Variants in ABHD16A observed in about 807,000 individuals in gnomAD.
ABHD16A encodes abhydrolase domain containing 16A, phospholipase, also known as phosphatidylserine lipase ABHD16A.
Under a neutral mutation model 89.8 loss-of-function variants are expected in ABHD16A, and 47 were observed. That is an observed-to-expected ratio of 0.52 (90% CI 0.41 to 0.67). The LOEUF (loss-of-function observed/expected upper bound fraction) is 0.67. ABHD16A is among the 30% of genes least tolerant of loss of function. The pLI, the probability that ABHD16A is intolerant of heterozygous loss-of-function variation, is 0.00. For missense variants in ABHD16A, 580 were observed against 734.6 expected, an observed-to-expected ratio of 0.79 and a Z score of 2.43; for synonymous variants, 251 against 280.4, an observed-to-expected ratio of 0.90 and a Z score of 1.05.
At position 31,703,271 on chromosome 6, in the gene ABHD16A, A is replaced by C; in HGVS notation, c.11T>G (p.Leu4Arg). ...CCGGGGGCCTAGGACGCAGCTCAGC[A>C]GCTTCGCCATGGCCCCGGCTCGGGC... Reference protein sequence around the residue: MAKLLSCVLGPRLY... With the variant: MAKRLSCVLGPRLY... Residue 4 changes from leucine (L) to arginine (R), a missense_variant, in exon 1 of 20, where the codon CTG (leucine) becomes CGG (arginine). Leu to Arg is a moderately radical substitution (Grantham distance 102). Transcript: ENST00000395952. 7.4e-7 allele frequency: 1 copy of C among 1,358,976 alleles called. No individual in the cohort carries two copies. 84.2% of individuals were successfully genotyped at this position (1,358,976 alleles called of 1,614,324 possible). A position where few individuals can be genotyped will look rare whatever the true frequency, so the allele number is the denominator to read the frequency against.
At chr6:31,701,985 C>A in intron 2 of ABHD16A, 89 bp downstream of exon 2, 1 of 1,462,456 alleles carries the variant, frequency 6.8e-7, no homozygotes, top group Non-Finnish European at 9.6e-7. Flanking sequence ...AACCCCAGGG[C>A]ACTGTTGCTC....
chr6:31,689,557 G>A (rs1803651312), intron 12 of ABHD16A, 24 bp downstream of exon 12: 2 of 1,564,382 alleles, frequency 1.3e-6, no homozygotes, highest in Non-Finnish European at 1.7e-6. Flanking sequence ...TGTCTACAGT[G>A]GGGGATGGGA....
At position 31,702,518 on chromosome 6, in the gene ABHD16A, A is replaced by C. The variant is rs149065764; in HGVS notation, c.133-388T>G. On this transcript the variant is annotated intron_variant, in intron 1 of 19. Coordinates refer to ENST00000395952, the MANE Select transcript of ABHD16A (RefSeq NM_021160.3). ...CATCAGAAATAAGAGTAGTTGACTA[A>C]GAAGAGAATGTGGGTAGGAGCGGGC... 3.5e-5 allele frequency: 41 copies of C among 1,156,866 alleles called. No individual in the cohort carries two copies. The East Asian group carries it at 1.1e-3, about 32-fold the overall frequency. 71.7% of individuals were successfully genotyped at this position (1,156,866 alleles called of 1,614,324 possible). A position where few individuals can be genotyped will look rare whatever the true frequency, so the allele number is the denominator to read the frequency against.
intron 9 of ABHD16A, among the ~76,000 whole-genome samples, chr6:31,691,253 T>C (rs1803848535): frequency 6.6e-6 from 1 of 152,194 alleles, no homozygotes; most frequent in African/African-American, 2.4e-5. Context: ...AATGGGCTAA[T>C]ATAAGCAGTA....
rs2151228481 is a variant in ABHD16A, at chr6:31,690,599, T to C, written c.847A>G (p.Ile283Val). ...TAEPQGQKLV[I>V]CCEGNAGFYE... is the part of the protein sequence containing the mutation. ...AACCCAGCATTCCCCTCACAGCAGA[T>C]CACCTAGGAAGGAGGCAGGAAGGAA... Residue 283 changes from isoleucine to valine, a missense_variant, in exon 10 of 20, where the codon ATC (isoleucine) becomes GTC (valine). By Grantham distance (29) the Ile-to-Val change is conservative. Coordinates refer to ENST00000395952, the MANE Select transcript of ABHD16A (RefSeq NM_021160.3). The surrounding 1 kb of genome is among the most constrained non-coding windows in gnomAD (Gnocchi z 4.1). 2.5e-6 allele frequency: 4 copies of C among 1,612,798 alleles called. No individual in the cohort carries two copies. Among genetic ancestry groups the C allele is most frequent in the Non-Finnish European group, 3.4e-6 (4 of 1,179,936 alleles).
chr6:31,699,314 CAGG>C (rs1804679742), intron 4 of ABHD16A, among the ~76,000 whole-genome samples: 1 of 147,600 alleles, frequency 6.8e-6, no homozygotes, highest in South Asian at 2.1e-4. Context: ...GAGGCTGAAG[CAGG>C]AGAATGGCGT....
Position 31,693,432 on chromosome 6 carries a change from T to C in ABHD16A, c.430A>G (p.Arg144Gly). ...TCAAAGTTGTAGTTGGCAAGCTGCC[T>C]CTGCAGTGGGCACGAGAGGCAAAGG... ...THRNQSSENK[R>G]QLANYNFDFR... Residue 144 changes from arginine to glycine, a missense_variant and splice_region_variant, in exon 6 of 20, where the codon AGG becomes GGG. Around this residue, in one of 2 missense-constraint regions of ABHD16A, gnomAD observed 415 missense variants for 568.8 expected, o/e 0.73. Coordinates refer to ENST00000395952, the MANE Select transcript of ABHD16A (RefSeq NM_021160.3). The surrounding 1 kb of genome is among the most constrained non-coding windows in gnomAD (Gnocchi z 5.0). 1 of 1,612,952 alleles carries C rather than the reference T, an allele frequency of 6.2e-7. No individual in the cohort carries two copies. The highest frequency in any genetic ancestry group is 8.5e-7 in the Non-Finnish European group (1 of 1,180,020).
At chr6:31,702,571 G>A in intron 1 of ABHD16A, 2 of 1,417,522 alleles carry the variant, frequency 1.4e-6, no homozygotes, top group Non-Finnish European at 1.9e-6. Flanking sequence ...AACACAATGA[G>A]ACAACTGATA....
chr6:31,699,008 T>G (rs187056833), intron 4 of ABHD16A, among the ~76,000 whole-genome samples: 35 of 152,350 alleles, frequency 2.3e-4, no homozygotes, highest in African/African-American at 7.9e-4. Flanking sequence ...AACATTCATG[T>G]GACTATCACC....
chr6:31,703,204 C>T lies in ABHD16A; in HGVS notation c.78G>A (p.Pro26=). 6.9e-7 allele frequency: 1 copy of T among 1,441,656 alleles called. No homozygotes were observed. Among genetic ancestry groups the T allele is most frequent in the Non-Finnish European group, 9.2e-7 (1 of 1,088,764 alleles). 89.3% of individuals were successfully genotyped at this position (1,441,656 alleles called of 1,614,324 possible). A position where few individuals can be genotyped will look rare whatever the true frequency, so the allele number is the denominator to read the frequency against. The change falls in exon 1 of 20, where the codon CCG becomes CCA. Residue 26 remains proline, a synonymous_variant. Coordinates refer to ENST00000395952, the MANE Select transcript of ABHD16A (RefSeq NM_021160.3). ...CCGTTGGCGTCTCAGGGACGCTGGC[C>T]GGGGCCCTTTCAGAGTCCCTCTCCC... ...IYRERDSERA[P]ASVPETPTAV...
intron 9 of ABHD16A, chr6:31,691,299 T>C: frequency 2.6e-6 from 1 of 391,890 alleles, no homozygotes; most frequent in Non-Finnish European, 4.6e-6. Context: ...ATTAAATATA[T>C]ATGCTTCATA....
At chr6:31,702,767 A>C in intron 1 of ABHD16A, 1 of 1,496,536 alleles carries the variant, frequency 6.7e-7, no homozygotes, top group Non-Finnish European at 8.9e-7. Flanking sequence ...CGGGGGAGGC[A>C]TGAAGAGGCA....
At position 31,698,287 on chromosome 6, in the gene ABHD16A, C is replaced by T. The variant is rs1402780168; in HGVS notation, c.344-1254G>A. 6.6e-6 allele frequency among the ~76,000 whole-genome samples: 1 copy of T among 150,440 alleles called. No homozygotes were observed. Among genetic ancestry groups the T allele is most frequent in the Non-Finnish European group, 1.5e-5 (1 of 67,762 alleles). On this transcript the variant is annotated intron_variant, in intron 4 of 19. Transcript: ENST00000395952. This position sits in a 1 kb window ranked among gnomAD's most constrained non-coding sequence, Gnocchi z 4.1. Reference sequence around the variant, plus strand: ...AACCCACACCAAATGACAATTATTACTTCTGAGGAAAGAGGAAGATGGGAC... The same window carrying T: ...AACCCACACCAAATGACAATTATTATTTCTGAGGAAAGAGGAAGATGGGAC...
intron 11 of ABHD16A, among the ~76,000 whole-genome samples, 155 bp downstream of exon 11, chr6:31,689,923 G>A (rs777310216): frequency 2.0e-5 from 3 of 152,196 alleles, no homozygotes; most frequent in Non-Finnish European, 4.4e-5. Context: ...TGGGGGCATG[G>A]CTCCCAATGC....
At chr6:31,697,213 A>C (rs1804484867) in intron 4 of ABHD16A, among the ~76,000 whole-genome samples, 180 bp from the exon 5 acceptor site, 1 of 152,220 alleles carries the variant, frequency 6.6e-6, no homozygotes, top group South Asian at 2.1e-4. Context: ...CTCCAAATCC[A>C]GCAACTGGCT....
Position 31,687,393 on chromosome 6 carries a change from A to G in ABHD16A, c.1594-98T>C, listed in dbSNP as rs1221562658. ...CCCTCCACTTCCGCATCCACCACCC[A>G]CTCTACAAAAGCTGCCACTTCCAAT... is the stretch of plus-strand genomic sequence containing the variant. On this transcript the variant is annotated intron_variant, in intron 19 of 19. Coordinates refer to ENST00000395952, the MANE Select transcript of ABHD16A (RefSeq NM_021160.3). The surrounding 1 kb of genome is among the most constrained non-coding windows in gnomAD (Gnocchi z 6.3). 6.2e-7 allele frequency: 1 copy of G among 1,600,044 alleles called. No homozygotes were observed. Among genetic ancestry groups the G allele is most frequent in the African/African-American group, 1.3e-5 (1 of 74,428 alleles).
In ABHD16A at chr6:31,687,609, C is replaced by T; in HGVS notation, c.1546+33G>A. On this transcript the variant is annotated intron_variant, in intron 18 of 19. Transcript: ENST00000395952. The surrounding 1 kb of genome is among the most constrained non-coding windows in gnomAD (Gnocchi z 6.3). ...GTATTCATCCCCTTCCTAGGCCCTT[C>T]CCACCCTCTCTCCTGCCCCAGGAGC... The T allele has an allele frequency of 1.2e-6, 2 of 1,612,932 alleles. No individual in the cohort carries two copies.
chr6:31,690,470 G>T lies in ABHD16A; in HGVS notation c.907+69C>A. 1 of 1,540,488 alleles carries T rather than the reference G, an allele frequency of 6.5e-7. No individual in the cohort carries two copies. The highest frequency in any genetic ancestry group is 9.0e-7 in the Non-Finnish European group (1 of 1,114,194). On this transcript the variant is annotated intron_variant, in intron 10 of 19. Coordinates refer to ENST00000395952, the MANE Select transcript of ABHD16A (RefSeq NM_021160.3). This position sits in a 1 kb window ranked among gnomAD's most constrained non-coding sequence, Gnocchi z 4.1. ...AGAAAGCAGAGGCCAGGGGAGGTCA[G>T]GTCAGTGTGGGAGGCAGGGACATTC... is the stretch of plus-strand genomic sequence containing the variant.
chr6:31,701,881 C>A (rs1208111729), intron 2 of ABHD16A, among the ~76,000 whole-genome samples, 193 bp downstream of exon 2: 4 of 152,138 alleles, frequency 2.6e-5, no homozygotes, highest in African/African-American at 9.7e-5. Flanking sequence ...GAAAGCAGTG[C>A]TACATACCAA....
Sources: allele counts gnomAD v4.1 joint callset (sites outside exome capture counted in the v4.1 genomes callset), GRCh38; gene constraint gnomAD v4.1.1; regional missense constraint gnomAD v4.1.1; non-coding constraint Gnocchi (gnomAD v3.1); transcripts MANE v1.5; gene names NCBI Gene and HGNC (gene_info 2026-07-23, HGNC 2026-07-21).